Variants in PEAR1 observed in about 807,000 individuals in gnomAD.
The protein encoded by PEAR1 is platelet endothelial aggregation receptor 1, also known as multiple EGF-like domains protein 12.
In PEAR1, 113 loss-of-function variants were observed where a neutral mutation model predicts 131.2. The observed-to-expected ratio is 0.86, with a 90% CI of 0.74 to 1.01. PEAR1 has a LOEUF of 1.01. PEAR1 is among the 50% of genes least tolerant of loss of function. The pLI is 0.00. For missense variants in PEAR1, 1,408 were observed against 1,391.1 expected (o/e 1.01, Z -0.19); for synonymous variants, 565 against 523.3 (o/e 1.08, Z -1.09).
chr1:156,908,616 C>A lies in PEAR1; in HGVS notation c.1116-39C>A, dbSNP rs952805394. The A allele has an allele frequency of 8.1e-6, 12 of 1,483,596 alleles. No individual in the cohort carries two copies. The African/African-American group carries it at 1.5e-4, about 19-fold the overall frequency. The allele number at this position is 1,483,596 out of a possible 1,614,324, so 91.9% of individuals were successfully genotyped here. On this transcript the variant is annotated intron_variant, in intron 9 of 22. Coordinates refer to ENST00000292357, the MANE Select transcript of PEAR1 (RefSeq NM_001080471.3). This position sits in a 1 kb window ranked among gnomAD's most constrained non-coding sequence, Gnocchi z 4.2. ...GGTCGGGAAGCTGCCCTGCCCCTGC[C>A]CAGCTCAGACCGCGCCACGCCCCCG...
intron 1 of PEAR1, among the ~76,000 whole-genome samples, chr1:156,896,470 T>C (rs1205431436): frequency 6.6e-6 from 1 of 152,162 alleles, no homozygotes; most frequent in Non-Finnish European, 1.5e-5. Context: ...GGGATGACAA[T>C]CACCAGCACC....
chr1:156,894,833 G>C (rs556188174), intron 1 of PEAR1, among the ~76,000 whole-genome samples: 4 of 152,316 alleles, frequency 2.6e-5, no homozygotes, highest in African/African-American at 9.6e-5. Context: ...GGCTCAGCTC[G>C]GGCAGGATTG....
chr1:156,894,780 C>G (rs1426508401), intron 1 of PEAR1, among the ~76,000 whole-genome samples: 1 of 152,214 alleles, frequency 6.6e-6, no homozygotes, highest in Non-Finnish European at 1.5e-5. Context: ...TCCCCGGGGA[C>G]AGGAACAGCT....
intron 19 of PEAR1, 52 bp from the exon 20 acceptor site, chr1:156,913,339 G>A: frequency 6.2e-7 from 1 of 1,602,670 alleles, no homozygotes; most frequent in Non-Finnish European, 8.5e-7. Context: ...CAGCTTCTCT[G>A]GAAAGCCCTG....
At chr1:156,901,540 G>A (rs1649680914) in intron 1 of PEAR1, among the ~76,000 whole-genome samples, 1 of 152,230 alleles carries the variant, frequency 6.6e-6, no homozygotes, top group Non-Finnish European at 1.5e-5. Flanking sequence ...TAGGCTCTGT[G>A]AACAGATCCA....
At chr1:156,893,932 C>G (rs948614128) in intron 1 of PEAR1, 95 bp downstream of exon 1, 3 of 152,318 alleles carry the variant, frequency 2.0e-5, no homozygotes, top group African/African-American at 7.2e-5. Context: ...CCCTGAGGTC[C>G]CCCTCCTCGA....
At chr1:156,904,078 T>G in intron 2 of PEAR1, 51 bp downstream of exon 2, 1 of 1,418,412 alleles carries the variant, frequency 7.1e-7, no homozygotes, top group East Asian at 2.3e-5. Context: ...AGCTCCCGAT[T>G]GTCCCTATTG....
At chr1:156,903,801 G>A (rs532730573) in intron 1 of PEAR1, 117 bp from the exon 2 acceptor site, 3 of 788,314 alleles carry the variant, frequency 3.8e-6, no homozygotes, top group South Asian at 1.6e-5. Context: ...AGGGGCCAGA[G>A]GACACGGGGC....
In PEAR1 at chr1:156,910,009, G is replaced by A; in HGVS notation, c.1579G>A (p.Gly527Arg). 6.2e-7 allele frequency: 1 copy of A among 1,613,608 alleles called. No homozygotes were observed. Among genetic ancestry groups the A allele is most frequent in the Non-Finnish European group, 8.5e-7 (1 of 1,180,028 alleles). The change falls in exon 13 of 23, where the codon GGG (glycine) becomes AGG (arginine). Residue 527 changes from glycine to arginine, a missense_variant. Transcript: ENST00000292357. The part of the protein sequence containing the change: ...GAHCQLPCPK[G>R]QFGEGCASRC... ...TGCTCCCCACTCCTTCTCCAAGAAG[G>A]GGCAGTTTGGAGAAGGTTGTGCCAG...
chr1:156,904,586 G>A (rs997719174), intron 2 of PEAR1, among the ~76,000 whole-genome samples, 162 bp from the exon 3 acceptor site: 2 of 152,174 alleles, frequency 1.3e-5, no homozygotes, highest in Admixed American at 6.5e-5. Context: ...CTCCAGACTT[G>A]AGAGGTGGGA....
Position 156,908,359 on chromosome 1 carries a change from G to A in PEAR1, c.1115+19G>A. 2.7e-6 allele frequency: 4 copies of A among 1,489,508 alleles called. No individual in the cohort carries two copies. The highest frequency in any genetic ancestry group is 3.6e-6 in the Non-Finnish European group (4 of 1,118,674). 92.3% of individuals were successfully genotyped at this position (1,489,508 alleles called of 1,614,324 possible). ...GCCTCAGGTGGGCCGCGGGACATGTGGTCAAAGGATCAGGAGGCCAATGGG... is the reference window on the plus strand; with the variant it reads ...GCCTCAGGTGGGCCGCGGGACATGTAGTCAAAGGATCAGGAGGCCAATGGG... On this transcript the variant is annotated intron_variant, in intron 9 of 22. Coordinates refer to ENST00000292357, the MANE Select transcript of PEAR1 (RefSeq NM_001080471.3). This position sits in a 1 kb window ranked among gnomAD's most constrained non-coding sequence, Gnocchi z 4.2.
chr1:156,905,425 G>T lies in PEAR1; in HGVS notation c.307+1G>T. On this transcript the variant is annotated splice_donor_variant, in intron 4 of 22. Coordinates refer to ENST00000292357, the MANE Select transcript of PEAR1 (RefSeq NM_001080471.3). LOFTEE classifies it high-confidence loss of function. ...TATGAGAGCAGGGGGTTCTGTGTCC[G>T]TGAGTCCAGGGTTGGGTTAGGGAGC... 6.2e-7 allele frequency: 1 copy of T among 1,600,796 alleles called. No homozygotes were observed. Among genetic ancestry groups the T allele is most frequent in the African/African-American group, 1.3e-5 (1 of 74,884 alleles).
In PEAR1 at chr1:156,906,990, T is replaced by TGGA. The variant is rs1650404288; in HGVS notation, c.644+113_644+115dup. 4 of 1,447,400 alleles carry TGGA rather than the reference T, an allele frequency of 2.8e-6. No homozygotes were observed. In the East Asian group the frequency reaches 9.9e-5, roughly 36 times the overall value. The allele number at this position is 1,447,400 out of a possible 1,614,324, so 89.7% of individuals were successfully genotyped here. ...CAGGGCCCCAAGTGTGGGGATGATG[T>TGGA]GGAGGCCAAGATCCTGGTCCCAGTG... On this transcript the variant is annotated intron_variant, in intron 6 of 22. Transcript: ENST00000292357.
intron 22 of PEAR1, among the ~76,000 whole-genome samples, chr1:156,914,347 G>C (rs1028459669): frequency 5.3e-5 from 8 of 152,218 alleles, no homozygotes; most frequent in African/African-American, 1.9e-4. Context: ...GGGTCGTACA[G>C]CATCAGAGTG....
At chr1:156,903,207 A>G (rs1649861371) in intron 1 of PEAR1, among the ~76,000 whole-genome samples, 1 of 152,050 alleles carries the variant, frequency 6.6e-6, no homozygotes, top group Non-Finnish European at 1.5e-5. Context: ...ACTGGTTGGG[A>G]GGTCACCTGG....
chr1:156,905,026 A>AT (rs1650086579), intron 3 of PEAR1, 174 bp downstream of exon 3: 1 of 1,530,458 alleles, frequency 6.5e-7, no homozygotes, highest in African/African-American at 1.4e-5. Context: ...GTATATGTGA[A>AT]TGCGTGTATG....
rs556676436 is a variant in PEAR1, at chr1:156,910,786, AG to A, written c.1951+48del. 8.7e-5 allele frequency: 140 copies of A among 1,609,776 alleles called. No homozygotes were observed. In the East Asian group the frequency reaches 3.1e-3, roughly 35 times the overall value. ...TGTCTGAGCATACGTGCATGCTGAG[AG>A]GGGGTGCTGAGGACGGGAGGTCTCT... On this transcript the variant is annotated intron_variant, in intron 15 of 22. Coordinates refer to ENST00000292357, the MANE Select transcript of PEAR1 (RefSeq NM_001080471.3).
Position 156,913,758 on chromosome 1 carries a change from A to C in PEAR1, c.2711A>C (p.Lys904Thr). The C allele has an allele frequency of 6.2e-7, 1 of 1,613,964 alleles. No individual in the cohort carries two copies. The highest frequency in any genetic ancestry group is 8.5e-7 in the Non-Finnish European group (1 of 1,179,952). The change falls in exon 21 of 23, where the codon AAA (lysine) becomes ACA (threonine). Residue 904 changes from lysine (K) to threonine (T), a missense_variant and splice_region_variant. Transcript: ENST00000292357. ...AATGGCCCAGGCCCATTCTACAATA[A>C]AGGTATGGGCACAGGGGCAACAAGG... ...YSNGPGPFYN[K>T]GLISEEELGA...
Position 156,894,174 on chromosome 1 carries a change from G to A in PEAR1, c.-10+337G>A, listed in dbSNP as rs1346736297. Among the ~76,000 whole-genome samples, 3 of 152,354 alleles carry A rather than the reference G, an allele frequency of 2.0e-5. No homozygotes were observed. The East Asian group carries it at 5.8e-4, about 29-fold the overall frequency. ...GCTCACTGCCCCCTCCCAGGGCTGG[G>A]AAGAGAAGACTGGGTGCTGTCCTTG... On this transcript the variant is annotated intron_variant, in intron 1 of 22. Coordinates refer to ENST00000292357, the MANE Select transcript of PEAR1 (RefSeq NM_001080471.3).
Sources: gnomAD v4.1 joint callset for allele counts (sites outside exome capture counted in the v4.1 genomes callset) on GRCh38, gnomAD v4.1.1 for gene constraint, Gnocchi (gnomAD v3.1) non-coding constraint, MANE v1.5 for transcripts, NCBI Gene and HGNC (gene_info 2026-07-23, HGNC 2026-07-21) for gene names.